NOL4: variants seen among roughly 807,000 people sequenced by gnomAD.
NOL4 encodes the protein cancer/testis antigen 125.
NOL4 carries 17 observed loss-of-function variants against 75.9 expected under a neutral mutation model. The observed-to-expected ratio is 0.22, with a 90% CI of 0.15 to 0.34. The LOEUF is 0.34. Ranked by LOEUF, NOL4 falls within the 10% of genes least tolerant of loss-of-function variation. NOL4 has a pLI of 1.00. For synonymous variants in NOL4, 292 were observed against 289.9 expected (o/e 1.01, Z -0.07); for missense variants, 614 against 793.5 (o/e 0.77, Z 2.72).
chr18:34,012,196 G>A (rs2074412257), intron 6 of NOL4, among the ~76,000 whole-genome samples: 1 of 151,786 alleles, frequency 6.6e-6, no homozygotes, highest in African/African-American at 2.4e-5. Context: ...AGGTCATTTG[G>A]GTGGGTCTCA....
chr18:34,108,622 A>C (rs1035574999), intron 2 of NOL4, among the ~76,000 whole-genome samples: 9 of 152,184 alleles, frequency 5.9e-5, no homozygotes, highest in African/African-American at 7.2e-5. Context: ...AATAATGATA[A>C]AGTCAATTCA....
At chr18:33,876,640 T>C (rs1216372579) in intron 10 of NOL4, among the ~76,000 whole-genome samples, 1 of 152,090 alleles carries the variant, frequency 6.6e-6, no homozygotes, top group African/African-American at 2.4e-5. Context: ...TATTTTGATG[T>C]CTTAAAGATG....
intron 1 of NOL4, among the ~76,000 whole-genome samples, chr18:34,137,594 C>T (rs1221772836): frequency 1.3e-5 from 2 of 152,128 alleles, no homozygotes; most frequent in Non-Finnish European, 2.9e-5. Context: ...CACTACTTCA[C>T]ATGCACTAGG....
chr18:33,995,904 G>A (rs539687723), intron 6 of NOL4, among the ~76,000 whole-genome samples: 2 of 152,034 alleles, frequency 1.3e-5, no homozygotes, highest in South Asian at 4.1e-4. Flanking sequence ...TGTTGCTGTT[G>A]TTGGGTGGAG....
rs1480168876 is a variant in NOL4, at chr18:34,166,808, C to T, written c.265-36788G>A. The stretch of plus-strand genomic sequence containing the variant: ...ATCCCAGCACTTTGGGAGGCCGAGG[C>T]GGGTGGATCATGAGGTCAGGAGATC... On this transcript the variant is annotated intron_variant, in intron 1 of 10. Coordinates refer to ENST00000261592, the MANE Select transcript of NOL4 (RefSeq NM_003787.5). 1.8e-4 allele frequency among the ~76,000 whole-genome samples: 7 copies of T among 38,444 alleles called. 2 individuals carry two copies. The highest frequency in any genetic ancestry group is 1.3e-3 in the East Asian group (2 of 1,572). The allele number at this position is 38,444 out of a possible 152,430, so 25.2% of individuals were successfully genotyped here. A position where few individuals can be genotyped will look rare whatever the true frequency, so the allele number is the denominator to read the frequency against.
At chr18:34,156,643 C>T (rs1014409370) in intron 1 of NOL4, 9 of 152,318 alleles carry the variant, frequency 5.9e-5, no homozygotes, top group South Asian at 2.1e-4. Flanking sequence ...AAATACCTCA[C>T]GTCTGTTCAC....
chr18:34,053,332 T>C (rs1444098376), intron 5 of NOL4, among the ~76,000 whole-genome samples: 1 of 152,014 alleles, frequency 6.6e-6, no homozygotes, highest in Non-Finnish European at 1.5e-5. Context: ...CAGTAGTGTT[T>C]GCTGTACTCT....
chr18:33,939,291 T>C (rs1599944912), intron 9 of NOL4, among the ~76,000 whole-genome samples: 2 of 152,272 alleles, frequency 1.3e-5, no homozygotes, highest in East Asian at 1.9e-4. Context: ...AAATTTAACA[T>C]AGCTTTCTCT....
At chr18:33,897,970 G>T (rs966873175) in intron 9 of NOL4, among the ~76,000 whole-genome samples, 2 of 152,092 alleles carry the variant, frequency 1.3e-5, no homozygotes, top group African/African-American at 4.8e-5. Flanking sequence ...CTGGAGTGCA[G>T]TGGTGTCATC....
At chr18:34,068,151 T>C (rs149407466) in intron 5 of NOL4, among the ~76,000 whole-genome samples, 251 of 152,166 alleles carry the variant, frequency 1.6e-3, no homozygotes, top group African/African-American at 5.7e-3. Context: ...TTAATGTGCA[T>C]GAATAATGGA....
At chr18:34,064,060 A>T (rs2077169826) in intron 5 of NOL4, among the ~76,000 whole-genome samples, 1 of 152,058 alleles carries the variant, frequency 6.6e-6, no homozygotes. Context: ...CAATTATGAG[A>T]CTACAAAGAC....
At position 34,024,194 on chromosome 18, in the gene NOL4, A is replaced by AATATATATAT. The variant is rs1555696185; in HGVS notation, c.773-4603_773-4594dup. 7.1e-5 allele frequency among the ~76,000 whole-genome samples: 5 copies of AATATATATAT among 70,688 alleles called. 1 individual carries two copies. Among genetic ancestry groups the AATATATATAT allele is most frequent in the South Asian group, 3.6e-4 (1 of 2,756 alleles). 46.4% of individuals were successfully genotyped at this position (70,688 alleles called of 152,430 possible). On this transcript the variant is annotated intron_variant, in intron 5 of 10. Transcript: ENST00000261592. ...CAAAATAAACAGGAAAAAAAAAAAA[A>AATATATATAT]ATATATATATATATATATATAAAAT...
At chr18:33,892,798 C>T (rs1180415833) in intron 9 of NOL4, among the ~76,000 whole-genome samples, 1 of 152,018 alleles carries the variant, frequency 6.6e-6, no homozygotes, top group Non-Finnish European at 1.5e-5. Context: ...GCTGGGACCA[C>T]AGGTGCACAC....
At chr18:34,056,580 C>T (rs1242713996) in intron 5 of NOL4, among the ~76,000 whole-genome samples, 1 of 152,120 alleles carries the variant, frequency 6.6e-6, no homozygotes, top group Non-Finnish European at 1.5e-5. Context: ...ACCAATACTT[C>T]AGGAAGCCCC....
At chr18:34,046,907 C>A (rs555842290) in intron 5 of NOL4, among the ~76,000 whole-genome samples, 5 of 151,850 alleles carry the variant, frequency 3.3e-5, no homozygotes, top group African/African-American at 1.2e-4. Context: ...GGTCCTATCC[C>A]GAACTACTAA....
intron 6 of NOL4, among the ~76,000 whole-genome samples, chr18:33,975,897 A>G (rs187248683): frequency 1.6e-3 from 248 of 152,350 alleles, no homozygotes; most frequent in African/African-American, 5.6e-3. Flanking sequence ...GTTGGACACA[A>G]CTTCTGAATA....
chr18:34,065,731 T>C (rs1361800988), intron 5 of NOL4, among the ~76,000 whole-genome samples: 1 of 151,990 alleles, frequency 6.6e-6, no homozygotes, highest in Non-Finnish European at 1.5e-5. Flanking sequence ...TAGTACATAG[T>C]ATAATAACTT....
At chr18:33,937,586 C>G (rs1029910718) in intron 9 of NOL4, among the ~76,000 whole-genome samples, 2 of 152,034 alleles carry the variant, frequency 1.3e-5, no homozygotes, top group African/African-American at 4.8e-5. Flanking sequence ...AGAATGCACA[C>G]AGGAAGAGTG....
In NOL4 at chr18:33,873,152, T is replaced by C. The variant is rs189133528; in HGVS notation, c.1723+10092A>G. On this transcript the variant is annotated intron_variant, in intron 10 of 10. Coordinates refer to ENST00000261592, the MANE Select transcript of NOL4 (RefSeq NM_003787.5). Reference sequence around the variant, plus strand: ...AGATCTTCCAATTGTGTAAAGGTCATACAAATTCACCGTGGGGGATTGCTT... The same window carrying C: ...AGATCTTCCAATTGTGTAAAGGTCACACAAATTCACCGTGGGGGATTGCTT... Among the ~76,000 whole-genome samples, 7 of 152,136 alleles carry C rather than the reference T, an allele frequency of 4.6e-5. No individual in the cohort carries two copies. In the East Asian group the frequency reaches 1.2e-3, roughly 25 times the overall value.
Sources: allele counts gnomAD v4.1 joint callset (sites outside exome capture counted in the v4.1 genomes callset), GRCh38; gene constraint gnomAD v4.1.1; transcripts MANE v1.5; gene names NCBI Gene and HGNC (gene_info 2026-07-23, HGNC 2026-07-21).